The following DSCAM variants were observed in gnomAD, a reference collection of about 807,000 sequenced individuals.
The protein encoded by DSCAM is cell adhesion molecule DSCAM.
Under a neutral mutation model 217.7 loss-of-function variants are expected in DSCAM, and 47 were observed. The observed-to-expected ratio is 0.22, with a 90% CI of 0.17 to 0.28. DSCAM has a LOEUF of 0.28. DSCAM is among the 10% of genes least tolerant of loss of function. The probability of loss-of-function intolerance (pLI) is 1.00; values close to 1 mark genes in which losing one functional copy is unlikely to be tolerated. For synonymous variants in DSCAM, 1,056 were observed against 1,015.3 expected, an observed-to-expected ratio of 1.04 and a Z score of -0.76; for missense variants, 2,080 against 2,618.3, an observed-to-expected ratio of 0.79 and a Z score of 4.49.
chr21:40,753,838 A>T (rs536094435), intron 1 of DSCAM, among the ~76,000 whole-genome samples: 1 of 152,284 alleles, frequency 6.6e-6, no homozygotes, highest in East Asian at 1.9e-4. Context: ...TGAAGACAAA[A>T]ATCTGAACCG....
chr21:40,679,519 G>C (rs566421608), intron 3 of DSCAM, among the ~76,000 whole-genome samples: 7 of 152,152 alleles, frequency 4.6e-5, no homozygotes, highest in African/African-American at 1.7e-4. Flanking sequence ...TGGGGTTGTC[G>C]AGAAGTTTTT....
intron 9 of DSCAM, among the ~76,000 whole-genome samples, chr21:40,304,903 A>G (rs765342566): frequency 2.6e-5 from 4 of 152,194 alleles, no homozygotes; most frequent in Non-Finnish European, 4.4e-5. Flanking sequence ...ACCAGAGATT[A>G]CTGATTACCA....
intron 3 of DSCAM, among the ~76,000 whole-genome samples, chr21:40,413,517 G>A (rs1470530840): frequency 6.6e-6 from 1 of 152,160 alleles, no homozygotes; most frequent in Non-Finnish European, 1.5e-5. Context: ...ACTTACATGG[G>A]GCCTGTAGCC....
chr21:40,328,116 C>T (rs1438859732), intron 8 of DSCAM, among the ~76,000 whole-genome samples: 2 of 151,884 alleles, frequency 1.3e-5, no homozygotes, highest in African/African-American at 4.8e-5. Context: ...ATACCAATGA[C>T]ATTTTTCACA....
intron 1 of DSCAM, among the ~76,000 whole-genome samples, chr21:40,776,191 T>C (rs908793700): frequency 6.6e-6 from 1 of 152,142 alleles, no homozygotes; most frequent in Non-Finnish European, 1.5e-5. Context: ...TTTAAAAATA[T>C]AAATAAATAC....
intron 3 of DSCAM, among the ~76,000 whole-genome samples, chr21:40,582,969 T>C (rs1048671809): frequency 6.6e-6 from 1 of 152,102 alleles, no homozygotes; most frequent in African/African-American, 2.4e-5. Flanking sequence ...AACAGACTAT[T>C]AAAGTCATTA....
At chr21:40,085,836 CAGAA>C (rs2146573613) in intron 22 of DSCAM, 71 bp from the exon 23 acceptor site, 1 of 1,322,756 alleles carries the variant, frequency 7.6e-7, no homozygotes, top group Non-Finnish European at 9.9e-7. Flanking sequence ...TGGGGAAAAA[CAGAA>C]AGACTCTGTG....
chr21:40,408,146 G>A (rs1233912832), intron 3 of DSCAM, among the ~76,000 whole-genome samples: 1 of 151,804 alleles, frequency 6.6e-6, no homozygotes, highest in East Asian at 1.9e-4. Context: ...GGGTCATCTC[G>A]GTGCCCAACA....
intron 3 of DSCAM, among the ~76,000 whole-genome samples, chr21:40,477,248 C>T (rs1802663198): frequency 6.6e-6 from 1 of 151,720 alleles, no homozygotes; most frequent in Non-Finnish European, 1.5e-5. Flanking sequence ...AAAATAAAAC[C>T]AGCTCTCTAT....
intron 1 of DSCAM, among the ~76,000 whole-genome samples, chr21:40,722,117 C>T (rs571488676): frequency 2.7e-4 from 41 of 152,110 alleles, no homozygotes; most frequent in African/African-American, 9.6e-4. Flanking sequence ...ACTTTCTAGA[C>T]ATTCCAAAGC....
At chr21:40,159,522 G>C (rs1239601102) in intron 16 of DSCAM, among the ~76,000 whole-genome samples, 1 of 152,142 alleles carries the variant, frequency 6.6e-6, no homozygotes, top group Non-Finnish European at 1.5e-5. Context: ...TGATAAAACT[G>C]TCTAAGATGG....
intron 1 of DSCAM, among the ~76,000 whole-genome samples, chr21:40,832,949 C>A (rs1348675445): frequency 6.6e-6 from 1 of 152,142 alleles, no homozygotes; most frequent in Non-Finnish European, 1.5e-5. Context: ...ATCACCCAGT[C>A]TAAAGTACAC....
intron 3 of DSCAM, among the ~76,000 whole-genome samples, chr21:40,420,980 A>G (rs927693968): frequency 3.3e-5 from 5 of 152,176 alleles, no homozygotes; most frequent in African/African-American, 1.2e-4. Context: ...GTGATGGCAG[A>G]CCCAGCATAC....
chr21:40,315,764 G>A (rs1394818340), intron 8 of DSCAM, among the ~76,000 whole-genome samples: 3 of 152,168 alleles, frequency 2.0e-5, no homozygotes, highest in Admixed American at 2.0e-4. Context: ...ATCACTCCAA[G>A]GATAATCCCT....
At chr21:40,324,081 C>A (rs1249881579) in intron 8 of DSCAM, among the ~76,000 whole-genome samples, 1 of 82,666 alleles carries the variant, frequency 1.2e-5, no homozygotes, top group Non-Finnish European at 2.2e-5. Flanking sequence ...CCAGCCTGGG[C>A]AACAAGAGTG....
At chr21:40,093,473 T>C (rs1254798986) in intron 21 of DSCAM, among the ~76,000 whole-genome samples, 1 of 152,198 alleles carries the variant, frequency 6.6e-6, no homozygotes, top group African/African-American at 2.4e-5. Flanking sequence ...AGGGCTCCTT[T>C]CCTAATTTTC....
intron 1 of DSCAM, among the ~76,000 whole-genome samples, chr21:40,788,333 C>A (rs1278542033): frequency 6.6e-6 from 1 of 152,138 alleles, no homozygotes; most frequent in Non-Finnish European, 1.5e-5. Flanking sequence ...CCCTGTCTAT[C>A]CTTACTTGTT....
intron 11 of DSCAM, among the ~76,000 whole-genome samples, chr21:40,201,674 C>T (rs1246876750): frequency 6.6e-6 from 1 of 152,174 alleles, no homozygotes; most frequent in Non-Finnish European, 1.5e-5. Flanking sequence ...CTCCCAATCT[C>T]AGGTGATCCG....
chr21:40,729,806 C>A (rs574492488), intron 1 of DSCAM, among the ~76,000 whole-genome samples: 6 of 152,172 alleles, frequency 3.9e-5, no homozygotes, highest in Non-Finnish European at 5.9e-5. Context: ...TAGGCCAGAT[C>A]CATGGTGAAA....
Sources: allele counts gnomAD v4.1 joint callset (sites outside exome capture counted in the v4.1 genomes callset), GRCh38; gene constraint gnomAD v4.1.1; transcripts MANE v1.5; gene names NCBI Gene and HGNC (gene_info 2026-07-23, HGNC 2026-07-21).